The following MYT1L variants were observed in gnomAD, a reference collection of about 807,000 sequenced individuals.
The protein encoded by MYT1L is myelin transcription factor 1-like protein.
MYT1L carries 12 observed loss-of-function variants against 126.7 expected under a neutral mutation model. That is an observed-to-expected ratio of 0.09 (90% CI 0.06 to 0.15). The LOEUF (loss-of-function observed/expected upper bound fraction) is 0.15. Among genes scored for constraint, MYT1L ranks in the 10% least tolerant of loss-of-function variants. MYT1L has a pLI of 1.00. For synonymous variants in MYT1L, 541 were observed against 604.2 expected, an observed-to-expected ratio of 0.90 and a Z score of 1.53; for missense variants, 979 against 1,585.2, an observed-to-expected ratio of 0.62 and a Z score of 6.49.
At chr2:2,109,875 T>A (rs559397969) in intron 3 of MYT1L, among the ~76,000 whole-genome samples, 46 of 63,882 alleles carry the variant, frequency 7.2e-4, no homozygotes, top group African/African-American at 1.6e-3. Flanking sequence ...AGTGCTGATT[T>A]TATATATATA....
At chr2:2,162,005 A>G (rs2088032927) in intron 3 of MYT1L, among the ~76,000 whole-genome samples, 1 of 152,152 alleles carries the variant, frequency 6.6e-6, no homozygotes. Flanking sequence ...GGTGGCGTTT[A>G]CGTTCAGGAT....
intron 2 of MYT1L, among the ~76,000 whole-genome samples, chr2:2,276,621 T>C (rs773898431): frequency 1.3e-5 from 2 of 152,290 alleles, no homozygotes; most frequent in South Asian, 2.1e-4. Context: ...GGTTGTCACA[T>C]GCAACGATGG....
Position 2,159,730 on chromosome 2 carries a change from C to A in MYT1L, c.-304+13142G>T, listed in dbSNP as rs187938424. Among the ~76,000 whole-genome samples, 240 of 152,136 alleles carry A rather than the reference C, an allele frequency of 1.6e-3. 1 individual carries two copies. The highest frequency in any genetic ancestry group is 5.5e-3 in the African/African-American group (229 of 41,526). On this transcript the variant is annotated intron_variant, in intron 3 of 24. Transcript: ENST00000647738. ...CAACTTCTGGCCATTAAAGCCCTCGCAGCCTTCGGCCCAGATAACCAAGCA... is the reference window on the plus strand; with the variant it reads ...CAACTTCTGGCCATTAAAGCCCTCGAAGCCTTCGGCCCAGATAACCAAGCA...
At chr2:2,045,650 C>A (rs1476373126) in intron 4 of MYT1L, among the ~76,000 whole-genome samples, 3 of 152,204 alleles carry the variant, frequency 2.0e-5, no homozygotes, top group Admixed American at 2.0e-4. Flanking sequence ...ATTTCCCTAT[C>A]CTCTGCTCAT....
At chr2:1,824,266 A>C (rs1184963209) in intron 21 of MYT1L, 3 of 152,214 alleles carry the variant, frequency 2.0e-5, no homozygotes, top group African/African-American at 7.2e-5. Flanking sequence ...ATGTAGATTC[A>C]GTTTGGTATT....
intron 9 of MYT1L, among the ~76,000 whole-genome samples, chr2:1,923,594 T>C (rs1166590112): frequency 6.6e-6 from 1 of 152,270 alleles, no homozygotes; most frequent in African/African-American, 2.4e-5. Context: ...ATTTTCTCCA[T>C]TGGCTTGCTT....
chr2:2,080,401 C>T (rs1264336916), intron 3 of MYT1L, among the ~76,000 whole-genome samples: 1 of 152,062 alleles, frequency 6.6e-6, no homozygotes, highest in Non-Finnish European at 1.5e-5. Context: ...ACAAAAAGAA[C>T]AAGAATAAAT....
intron 2 of MYT1L, among the ~76,000 whole-genome samples, chr2:2,248,001 C>T (rs992857088): frequency 4.0e-5 from 6 of 151,734 alleles, no homozygotes; most frequent in African/African-American, 1.2e-4. Flanking sequence ...AGCAAACCAA[C>T]CCAAAACTTA....
intron 18 of MYT1L, among the ~76,000 whole-genome samples, chr2:1,866,018 TAC>T (rs1309052490): frequency 6.6e-6 from 1 of 152,166 alleles, no homozygotes; most frequent in Non-Finnish European, 1.5e-5. Context: ...GCCTCCGAGC[TAC>T]AGTGTCCAAG....
chr2:2,190,013 G>GT (rs1191999050), intron 2 of MYT1L, among the ~76,000 whole-genome samples: 1 of 152,222 alleles, frequency 6.6e-6, no homozygotes, highest in East Asian at 1.9e-4. Context: ...TGCACAGCTG[G>GT]TTTTTCTGAG....
chr2:1,967,997 G>A (rs1203375601), intron 8 of MYT1L, among the ~76,000 whole-genome samples: 5 of 152,184 alleles, frequency 3.3e-5, no homozygotes, highest in Admixed American at 6.5e-5. Flanking sequence ...GAGGGGAGGA[G>A]GGGGCAGAAA....
At chr2:2,274,086 G>A (rs1431747082) in intron 2 of MYT1L, among the ~76,000 whole-genome samples, 2 of 152,104 alleles carry the variant, frequency 1.3e-5, no homozygotes, top group Non-Finnish European at 2.9e-5. Flanking sequence ...AGGCATCATA[G>A]AGAAATTATA....
At chr2:1,936,686 T>G (rs1336552077) in intron 9 of MYT1L, among the ~76,000 whole-genome samples, 2 of 152,182 alleles carry the variant, frequency 1.3e-5, no homozygotes, top group Non-Finnish European at 2.9e-5. Flanking sequence ...TGTCTGCGTT[T>G]CAACTTGCTT....
intron 4 of MYT1L, among the ~76,000 whole-genome samples, chr2:1,999,524 T>C (rs186672060): frequency 6.6e-6 from 1 of 152,076 alleles, no homozygotes; most frequent in Non-Finnish European, 1.5e-5. Context: ...ATGGAAAATA[T>C]GAAAGAACAG....
intron 3 of MYT1L, among the ~76,000 whole-genome samples, chr2:2,163,170 G>A (rs12474442): frequency 0.098 from 14,958 of 152,026 alleles, 711 homozygotes; most frequent in East Asian, 0.13. Context: ...TTTAAAGAAC[G>A]GTTCTGGGAC....
intron 21 of MYT1L, among the ~76,000 whole-genome samples, 175 bp from the exon 22 acceptor site, chr2:1,809,342 CATGGGGTG>C (rs1323112421): frequency 1.3e-5 from 2 of 152,184 alleles, no homozygotes; most frequent in African/African-American, 2.4e-5. Context: ...GTTATGCACA[CATGGGGTG>C]CATGTGTGTG....
chr2:1,872,208 G>T (rs773924331), intron 18 of MYT1L, among the ~76,000 whole-genome samples: 1 of 152,132 alleles, frequency 6.6e-6, no homozygotes, highest in Admixed American at 6.6e-5. Context: ...TCATTGTCTC[G>T]GAGAGCTATG....
chr2:2,139,499 C>G (rs1304027046), intron 3 of MYT1L, among the ~76,000 whole-genome samples: 4 of 151,644 alleles, frequency 2.6e-5, no homozygotes, highest in Non-Finnish European at 1.5e-5. Context: ...ATTAGCTGGG[C>G]GTGGTGGTGC....
At chr2:1,831,810 C>T (rs3935554) in intron 21 of MYT1L, among the ~76,000 whole-genome samples, 73,338 of 151,978 alleles carry the variant, frequency 0.48, 19,878 homozygotes, top group African/African-American at 0.74. Flanking sequence ...TGTCACAAAA[C>T]GTGTGTGTCT....
Sources: gnomAD v4.1 joint callset for allele counts (sites outside exome capture counted in the v4.1 genomes callset) on GRCh38, gnomAD v4.1.1 for gene constraint, MANE v1.5 for transcripts, NCBI Gene and HGNC (gene_info 2026-07-23, HGNC 2026-07-21) for gene names.